PHACTR2: variants seen among roughly 807,000 people sequenced by gnomAD.
PHACTR2 encodes phosphatase and actin regulator 2.
Under a neutral mutation model 76.0 loss-of-function variants are expected in PHACTR2, and 30 were observed. That is an observed-to-expected ratio of 0.39 (90% CI 0.30 to 0.54). The LOEUF (loss-of-function observed/expected upper bound fraction) is 0.54, where lower values mean the gene tolerates loss of function less well. PHACTR2 is among the 20% of genes least tolerant of loss of function. PHACTR2 has a pLI of 0.61. For missense variants in PHACTR2, 696 were observed against 781.1 expected (o/e 0.89, Z 1.30); for synonymous variants, 292 against 292.5 (o/e 1.00, Z 0.02).
intron 9 of PHACTR2, among the ~76,000 whole-genome samples, chr6:143,779,591 G>A (rs1053332665): frequency 1.3e-5 from 2 of 151,890 alleles, no homozygotes; most frequent in Non-Finnish European, 1.5e-5. Context: ...TTCGTGATTC[G>A]CCCACCTTGG....
Position 143,581,216 on chromosome 6 carries a change from G to C in PHACTR2, c.217+44009G>C, listed in dbSNP as rs1775568397. 1.3e-5 allele frequency among the ~76,000 whole-genome samples: 2 copies of C among 152,190 alleles called. No individual in the cohort carries two copies. The highest frequency in any genetic ancestry group is 1.3e-4 in the Admixed American group (2 of 15,270). Reference sequence around the variant, plus strand: ...AAGTCTCCGTGTGGACAGGGGATGAGGGTTACCTGGTTTCTGCTCCTTTGA... The same window carrying C: ...AAGTCTCCGTGTGGACAGGGGATGACGGTTACCTGGTTTCTGCTCCTTTGA... On this transcript the variant is annotated intron_variant, in intron 1 of 11. Transcript: ENST00000367584. This position sits in a 1 kb window ranked among gnomAD's most constrained non-coding sequence, Gnocchi z 4.5.
Position 143,789,080 on chromosome 6 carries a change from T to C in PHACTR2, c.1845+170T>C. 1 of 512,122 alleles carries C rather than the reference T, an allele frequency of 2.0e-6. No homozygotes were observed. The highest frequency in any genetic ancestry group is 3.7e-5 in the South Asian group (1 of 26,994). The allele number at this position is 512,122 out of a possible 1,614,324, so 31.7% of individuals were successfully genotyped here. The stretch of plus-strand genomic sequence containing the variant: ...TAAGTGATACATTTAGTGATATCAA[T>C]GTAGTTCTTTCAACTAAGTCTCAGA... On this transcript the variant is annotated intron_variant, in intron 11 of 12. Coordinates refer to ENST00000440869, the MANE Select transcript of PHACTR2 (RefSeq NM_001100164.2). The surrounding 1 kb of genome is among the most constrained non-coding windows in gnomAD (Gnocchi z 5.1).
In PHACTR2 at chr6:143,757,340, C is replaced by T. The variant is rs1250271868; in HGVS notation, c.455-3061C>T. Among the ~76,000 whole-genome samples the T allele has an allele frequency of 2.0e-5, 3 of 152,216 alleles. No homozygotes were observed. The highest frequency in any genetic ancestry group is 4.4e-5 in the Non-Finnish European group (3 of 68,036). On this transcript the variant is annotated intron_variant, in intron 4 of 12. Transcript: ENST00000440869. This position sits in a 1 kb window ranked among gnomAD's most constrained non-coding sequence, Gnocchi z 4.2. ...CGAAGTACCGTAGAAGGCCTGAGCA[C>T]AGCAACCCAAGGGAGCTCACAGTGA...
In PHACTR2 at chr6:143,621,784, CT is replaced by C. The variant is rs1261660099; in HGVS notation, c.13+13465del. 6.6e-6 allele frequency among the ~76,000 whole-genome samples: 1 copy of C among 152,152 alleles called. No homozygotes were observed. Among genetic ancestry groups the C allele is most frequent in the African/African-American group, 2.4e-5 (1 of 41,422 alleles). On this transcript the variant is annotated intron_variant, in intron 1 of 11. Coordinates refer to the PHACTR2 transcript ENST00000305766. The surrounding 1 kb of genome is among the most constrained non-coding windows in gnomAD (Gnocchi z 4.1). ...TAGATTCATTTTGCACCTACGTGGA[CT>C]TTAAATCTTTGCGAACAGTAGCTCA...
At chr6:143,674,655 G>C (rs1227995774), upstream of PHACTR2, among the ~76,000 whole-genome samples, 1 of 152,014 alleles carries the variant, frequency 6.6e-6, no homozygotes, top group Non-Finnish European at 1.5e-5. This position sits in a 1 kb window ranked among gnomAD's most constrained non-coding sequence, Gnocchi z 4.9. Context: ...CCTAACATCT[G>C]GTGTCTCAAA....
intron 1 of PHACTR2, among the ~76,000 whole-genome samples, chr6:143,637,280 C>T (rs1776473800): frequency 6.7e-6 from 1 of 149,982 alleles, no homozygotes; most frequent in Non-Finnish European, 1.5e-5. Flanking sequence ...GTTAACCATT[C>T]TTTTGTTTTT....
intron 1 of PHACTR2, among the ~76,000 whole-genome samples, chr6:143,628,906 G>C (rs1776305760): frequency 7.8e-6 from 1 of 127,838 alleles, no homozygotes; most frequent in Non-Finnish European, 1.6e-5. Flanking sequence ...GAAAGAAGAT[G>C]AATGTTTAAA....
chr6:143,778,737 C>T (rs1775345794), intron 9 of PHACTR2, among the ~76,000 whole-genome samples: 1 of 152,178 alleles, frequency 6.6e-6, no homozygotes, highest in Non-Finnish European at 1.5e-5. Context: ...AGACCCTACG[C>T]TCCTAAAAAA....
chr6:143,636,287 G>A (rs939415760), intron 1 of PHACTR2, among the ~76,000 whole-genome samples: 13 of 151,758 alleles, frequency 8.6e-5, no homozygotes, highest in Non-Finnish European at 1.8e-4. Context: ...TGCATGAAAG[G>A]TTATATATAT....
At position 143,827,229 on chromosome 6, in the gene PHACTR2, A is replaced by G. The variant is rs1776565591; in HGVS notation, c.*3540A>G. ...ATTATATATACAGTAGCTTACACTT[A>G]AAAGAGGAAAAATTTGCATTAACAT... On this transcript the variant is annotated 3_prime_UTR_variant, in exon 13 of 13. Transcript: ENST00000440869. 7.0e-6 allele frequency: 1 copy of G among 142,544 alleles called. No homozygotes were observed. The highest frequency in any genetic ancestry group is 2.2e-4 in the South Asian group (1 of 4,456). The allele number at this position is 142,544 out of a possible 1,614,324, so 8.8% of individuals were successfully genotyped here. A position where few individuals can be genotyped will look rare whatever the true frequency, so the allele number is the denominator to read the frequency against.
intron 2 of PHACTR2, among the ~76,000 whole-genome samples, chr6:143,718,755 G>A (rs889401748): frequency 1.3e-5 from 2 of 152,130 alleles, no homozygotes; most frequent in Non-Finnish European, 2.9e-5. Flanking sequence ...AGAAAGTAGG[G>A]CGAAGTTAAA....
chr6:143,603,402 T>C (rs1179505787), upstream of PHACTR2, among the ~76,000 whole-genome samples: 1 of 150,284 alleles, frequency 6.7e-6, no homozygotes, highest in African/African-American at 2.4e-5. Flanking sequence ...GCAGTGTATG[T>C]TGCTCTGCCT....
chr6:143,682,523 A>AT (rs34167812), intron 1 of PHACTR2, among the ~76,000 whole-genome samples: 28,677 of 152,056 alleles, frequency 0.19, 2,766 homozygotes, highest in East Asian at 0.37. Context: ...GCCTGAACTC[A>AT]TTTTTTAGTC....
chr6:143,700,780 C>T lies in PHACTR2; in HGVS notation c.47-11236C>T, dbSNP rs919351250. On this transcript the variant is annotated intron_variant, in intron 1 of 12. Coordinates refer to ENST00000440869, the MANE Select transcript of PHACTR2 (RefSeq NM_001100164.2). This position sits in a 1 kb window ranked among gnomAD's most constrained non-coding sequence, Gnocchi z 4.1. ...TCAGCTTTTTCTTCCTTTTCACAAA[C>T]ACAGCACACACTCTACACACCATGA... 2.0e-5 allele frequency among the ~76,000 whole-genome samples: 3 copies of T among 152,146 alleles called. No individual in the cohort carries two copies. Among genetic ancestry groups the T allele is most frequent in the African/African-American group, 7.2e-5 (3 of 41,428 alleles).
intron 11 of PHACTR2, among the ~76,000 whole-genome samples, chr6:143,802,479 ATTTT>A (rs201154160): frequency 6.9e-6 from 1 of 145,128 alleles, no homozygotes; most frequent in Admixed American, 6.9e-5. Context: ...ATCTCCACAA[ATTTT>A]TTTTTTTTTT....
At position 143,562,699 on chromosome 6, in the gene PHACTR2, A is replaced by C. The variant is rs1314427733; in HGVS notation, c.217+25492A>C. Among the ~76,000 whole-genome samples the C allele has an allele frequency of 6.6e-6, 1 of 152,236 alleles. No homozygotes were observed. On this transcript the variant is annotated intron_variant, in intron 1 of 11. Coordinates refer to the PHACTR2 transcript ENST00000367584. The surrounding 1 kb of genome is among the most constrained non-coding windows in gnomAD (Gnocchi z 5.1). ...CTCTCATTGTGAAAGAAAAAAGCACATTAAAGAACATATCTAAGGCATTGG... is the reference window on the plus strand; with the variant it reads ...CTCTCATTGTGAAAGAAAAAAGCACCTTAAAGAACATATCTAAGGCATTGG...
chr6:143,667,147 T>C (rs930998581), intron 1 of PHACTR2, among the ~76,000 whole-genome samples: 4 of 152,186 alleles, frequency 2.6e-5, no homozygotes, highest in Non-Finnish European at 4.4e-5. Context: ...CCTTTCTCCA[T>C]TGCTTGTTTT....
In PHACTR2 at chr6:143,755,189, T is replaced by C; in HGVS notation, c.454+1277T>C. ...AATTAACTAATACTTTCAATGATAA[T>C]ATTCCTGGAACATAAAAAGAAAGTA... On this transcript the variant is annotated intron_variant, in intron 4 of 12. Transcript: ENST00000440869. The surrounding 1 kb of genome is among the most constrained non-coding windows in gnomAD (Gnocchi z 5.2). The C allele has an allele frequency of 2.2e-6, 1 of 445,206 alleles. No individual in the cohort carries two copies. The highest frequency in any genetic ancestry group is 4.5e-6 in the Non-Finnish European group (1 of 220,046). 27.6% of individuals were successfully genotyped at this position (445,206 alleles called of 1,614,324 possible). A position where few individuals can be genotyped will look rare whatever the true frequency, so the allele number is the denominator to read the frequency against.
intron 10 of PHACTR2, among the ~76,000 whole-genome samples, chr6:143,786,699 G>A (rs1424807938): frequency 6.6e-6 from 1 of 152,172 alleles, no homozygotes; most frequent in Non-Finnish European, 1.5e-5. Flanking sequence ...CTTACATTGT[G>A]GCAGCAAGAT....
Sources: allele counts gnomAD v4.1 joint callset (sites outside exome capture counted in the v4.1 genomes callset), GRCh38; gene constraint gnomAD v4.1.1; non-coding constraint Gnocchi (gnomAD v3.1); transcripts MANE v1.5; gene names NCBI Gene and HGNC (gene_info 2026-07-23, HGNC 2026-07-21).